Variants in CPSF3 observed in about 807,000 individuals in gnomAD.
CPSF3 encodes cleavage and polyadenylation specificity factor subunit 3.
A neutral mutation model predicts 84.1 loss-of-function variants in CPSF3; 57 were observed. The ratio of observed to expected loss-of-function variants is 0.68; its 90% CI spans 0.55 to 0.85. The LOEUF (loss-of-function observed/expected upper bound fraction) is 0.85, where lower values mean the gene tolerates loss of function less well. Ranked by LOEUF, CPSF3 falls within the 40% of genes least tolerant of loss-of-function variation. CPSF3 has a pLI of 0.00. For missense variants in CPSF3, 522 were observed against 838.8 expected, an observed-to-expected ratio of 0.62 and a Z score of 4.66; for synonymous variants, 275 against 278.1, an observed-to-expected ratio of 0.99 and a Z score of 0.11.
chr2:9,423,949 TG>T, intron 1 of CPSF3, 126 bp downstream of exon 1: 1 of 1,478,328 alleles, frequency 6.8e-7, no homozygotes, highest in Non-Finnish European at 9.0e-7. Context: ...GGTCCGCGCT[TG>T]CGGGCCAGGC....
chr2:9,437,872 C>T lies in CPSF3; in HGVS notation c.760+1511C>T, dbSNP rs561515416. 1.6e-4 allele frequency among the ~76,000 whole-genome samples: 24 copies of T among 152,314 alleles called. 1 individual carries two copies. The East Asian group carries it at 4.1e-3, about 26-fold the overall frequency. ...AAAGAATTAGCTGGACGTGGTGATA[C>T]ACGCCTGTTGTCCCAGCTACCTGGG... On this transcript the variant is annotated intron_variant, in intron 7 of 17. Transcript: ENST00000238112.
At chr2:9,462,154 C>T (rs982082950) in intron 15 of CPSF3, among the ~76,000 whole-genome samples, 4 of 152,180 alleles carry the variant, frequency 2.6e-5, no homozygotes, top group East Asian at 3.9e-4. Context: ...AGCAGAATCA[C>T]GCCCAGGGCT....
At chr2:9,462,603 C>T (rs1020074499) in intron 15 of CPSF3, among the ~76,000 whole-genome samples, 2 of 152,054 alleles carry the variant, frequency 1.3e-5, no homozygotes, top group African/African-American at 4.8e-5. Context: ...CCACATAGCT[C>T]GTGTGTGTTT....
Position 9,466,394 on chromosome 2 carries a change from A to ACACACACGCACGCG in CPSF3, c.1787-1301_1787-1288dup, listed in dbSNP as rs1185744562. 5.5e-5 allele frequency among the ~76,000 whole-genome samples: 8 copies of ACACACACGCACGCG among 145,684 alleles called. No individual in the cohort carries two copies. In the East Asian group the frequency reaches 1.2e-3, roughly 22 times the overall value. On this transcript the variant is annotated intron_variant, in intron 15 of 17. Transcript: ENST00000238112. ...CACCCACGCACTCGCACACACGCGC[A>ACACACACGCACGCG]CACACACGCACGCGCACACACGCAC...
At chr2:9,466,426 A>ACACACG (rs1325549534) in intron 15 of CPSF3, among the ~76,000 whole-genome samples, 13 of 144,058 alleles carry the variant, frequency 9.0e-5, no homozygotes, top group Admixed American at 7.1e-4. Context: ...GCACACGCGC[A>ACACACG]CACACGCGCA....
At chr2:9,463,937 C>T (rs1468089334) in intron 15 of CPSF3, among the ~76,000 whole-genome samples, 1 of 152,142 alleles carries the variant, frequency 6.6e-6, no homozygotes, top group Admixed American at 6.5e-5. Context: ...AAAAAGTTGC[C>T]CTCTTCTCAA....
At chr2:9,444,221 C>A (rs1187438505) in intron 10 of CPSF3, among the ~76,000 whole-genome samples, 1 of 148,916 alleles carries the variant, frequency 6.7e-6, no homozygotes, top group African/African-American at 2.5e-5. Context: ...CTCCGCCTCC[C>A]GGGTTCAAGC....
chr2:9,449,408 A>G (rs920347394), intron 11 of CPSF3, among the ~76,000 whole-genome samples: 2 of 152,042 alleles, frequency 1.3e-5, no homozygotes, highest in Non-Finnish European at 2.9e-5. Flanking sequence ...CCTGAGTGAC[A>G]GAGTGAGACT....
intron 1 of CPSF3, among the ~76,000 whole-genome samples, chr2:9,426,057 A>G (rs1265500081): frequency 6.6e-6 from 1 of 152,226 alleles, no homozygotes; most frequent in African/African-American, 2.4e-5. Context: ...TCCAAGGTTC[A>G]AAATTGAGGA....
chr2:9,427,996 A>T (rs1364273416), intron 1 of CPSF3, among the ~76,000 whole-genome samples: 62 of 141,564 alleles, frequency 4.4e-4, no homozygotes, highest in African/African-American at 1.0e-3. Context: ...AAAAAAAAAA[A>T]TTTTTTTTTT....
At chr2:9,441,763 G>A (rs1680965375) in intron 8 of CPSF3, 55 bp from the exon 9 acceptor site, 1 of 1,550,236 alleles carries the variant, frequency 6.5e-7, no homozygotes, top group African/African-American at 1.4e-5. Flanking sequence ...AAGAAAGAAT[G>A]CTTTGTCAGC....
At chr2:9,438,260 C>T (rs1274288061) in intron 7 of CPSF3, among the ~76,000 whole-genome samples, 1 of 152,184 alleles carries the variant, frequency 6.6e-6, no homozygotes, top group Admixed American at 6.5e-5. Flanking sequence ...GTCTTTTGAT[C>T]TTGATTGGTC....
chr2:9,426,829 C>T (rs995155018), intron 1 of CPSF3, among the ~76,000 whole-genome samples: 1 of 148,084 alleles, frequency 6.8e-6, no homozygotes, highest in Admixed American at 6.8e-5. Flanking sequence ...ATCACTTGAG[C>T]CCAGGAGTTG....
intron 17 of CPSF3, 37 bp downstream of exon 17, chr2:9,471,476 G>T: frequency 7.9e-7 from 1 of 1,259,110 alleles, no homozygotes; most frequent in South Asian, 1.2e-5. Context: ...CAAGACATTT[G>T]GGAAATAAAG....
chr2:9,430,015 TAGTC>T lies in CPSF3; in HGVS notation c.211_212+2del, dbSNP rs748440826. 1.5e-5 allele frequency: 23 copies of T among 1,538,088 alleles called. No individual in the cohort carries two copies. Among genetic ancestry groups the T allele is most frequent in the Non-Finnish European group, 1.8e-5 (20 of 1,137,524 alleles). On this transcript the variant is annotated frameshift_variant and splice_region_variant, in exon 3 of 18. Coordinates refer to ENST00000238112, the MANE Select transcript of CPSF3 (RefSeq NM_016207.4). LOFTEE classifies it high-confidence loss of function. ...CAGCTGAGATTGATCTCCTATTAAT[TAGTC>T]AGTAAGTTTTTCCCTTTATTAATGA...
Position 9,441,925 on chromosome 2 carries a change from G to A in CPSF3, c.1044G>A (p.Lys348=). The stretch of plus-strand genomic sequence containing the variant: ...TATTTGAAAGCTGGTGTACTGATAA[G>A]AGGAATGGTGTCATTATAGCGGGAT... ...RELFESWCTD[K]RNGVIIAGYC... Residue 348 remains lysine (K), a synonymous_variant, in exon 9 of 18, where the codon AAG becomes AAA. Coordinates refer to ENST00000238112, the MANE Select transcript of CPSF3 (RefSeq NM_016207.4). The A allele has an allele frequency of 6.2e-7, 1 of 1,614,204 alleles. No homozygotes were observed. Among genetic ancestry groups the A allele is most frequent in the Non-Finnish European group, 8.5e-7 (1 of 1,180,036 alleles).
intron 13 of CPSF3, 53 bp from the exon 14 acceptor site, chr2:9,456,880 C>T (rs999730204): frequency 2.4e-5 from 27 of 1,125,152 alleles, no homozygotes; most frequent in Non-Finnish European, 3.4e-5. Context: ...CGAATGGTCT[C>T]TGGAAGATTA....
intron 1 of CPSF3, among the ~76,000 whole-genome samples, chr2:9,427,729 T>A (rs1013065210): frequency 6.6e-6 from 1 of 152,114 alleles, no homozygotes; most frequent in Non-Finnish European, 1.5e-5. Context: ...CTTAATCCAG[T>A]GCTTGGCAAA....
chr2:9,436,674 AG>A (rs901290115), intron 7 of CPSF3, among the ~76,000 whole-genome samples: 1 of 151,920 alleles, frequency 6.6e-6, no homozygotes, highest in Non-Finnish European at 1.5e-5. Context: ...CAGGAGGCTG[AG>A]GCAGAGAATT....
Sources: gnomAD v4.1 joint callset for allele counts (sites outside exome capture counted in the v4.1 genomes callset) on GRCh38, gnomAD v4.1.1 for gene constraint, MANE v1.5 for transcripts, NCBI Gene and HGNC (gene_info 2026-07-23, HGNC 2026-07-21) for gene names.